NECTIN3: variants seen among roughly 807,000 people sequenced by gnomAD.
NECTIN3 encodes nectin-3.
A neutral mutation model predicts 49.4 loss-of-function variants in NECTIN3; 8 were observed. The observed-to-expected ratio is 0.16, with a 90% confidence interval of 0.10 to 0.29. The LOEUF is 0.29. Ranked by LOEUF, NECTIN3 falls within the 10% of genes least tolerant of loss-of-function variation. The pLI is 1.00. For missense variants in NECTIN3, 581 were observed against 654.6 expected (o/e 0.89, Z 1.23); for synonymous variants, 277 against 241.1 (o/e 1.15, Z -1.38).
At chr3:111,188,114 TAAAA>T (rs2035753663), upstream of NECTIN3, among the ~76,000 whole-genome samples, 1 of 152,152 alleles carries the variant, frequency 6.6e-6, no homozygotes, top group African/African-American at 2.4e-5. Context: ...ATTGATTAAA[TAAAA>T]AGAGACGCTA....
At chr3:111,098,244 G>A (rs1236492730) in intron 1 of NECTIN3, among the ~76,000 whole-genome samples, 1 of 152,130 alleles carries the variant, frequency 6.6e-6, no homozygotes. Flanking sequence ...CTGTTGTTCT[G>A]GGTATCATGC....
At chr3:111,087,953 C>T (rs2107382188) in intron 1 of NECTIN3, among the ~76,000 whole-genome samples, 1 of 152,190 alleles carries the variant, frequency 6.6e-6, no homozygotes, top group African/African-American at 2.4e-5. Context: ...CCTCCTCAGC[C>T]TCCCAAAGTG....
intron 4 of NECTIN3, 135 bp downstream of exon 4, chr3:111,122,373 C>G (rs980508328): frequency 3.2e-6 from 2 of 633,320 alleles, no homozygotes; most frequent in African/African-American, 1.9e-5. Context: ...TCTGTCTTAT[C>G]CTTCCCCACC....
chr3:111,119,655 C>T (rs2033860033), intron 3 of NECTIN3, among the ~76,000 whole-genome samples: 1 of 152,114 alleles, frequency 6.6e-6, no homozygotes, highest in Non-Finnish European at 1.5e-5. Flanking sequence ...TTCCTATATG[C>T]ATATTAATTA....
intron 7 of NECTIN3, among the ~76,000 whole-genome samples, chr3:111,185,166 G>C (rs2107534915): frequency 1.3e-5 from 2 of 152,134 alleles, no homozygotes; most frequent in Admixed American, 1.3e-4. Context: ...TCTTCTTCAG[G>C]ACCCTGTTCC....
chr3:111,107,932 A>G (rs1032830896), intron 1 of NECTIN3, among the ~76,000 whole-genome samples: 1 of 152,194 alleles, frequency 6.6e-6, no homozygotes, highest in Non-Finnish European at 1.5e-5. Context: ...AACATAAAAA[A>G]GCAGATATGT....
chr3:111,140,504 G>GT (rs1230852828), downstream of NECTIN3, among the ~76,000 whole-genome samples: 9 of 140,372 alleles, frequency 6.4e-5, no homozygotes, highest in African/African-American at 2.6e-4. Context: ...TCTTATGTGG[G>GT]GTTTTTTTGC....
intron 7 of NECTIN3, among the ~76,000 whole-genome samples, chr3:111,156,684 A>G (rs2035105031): frequency 6.6e-6 from 1 of 152,070 alleles, no homozygotes; most frequent in African/African-American, 2.4e-5. Context: ...TGCCTTGGCA[A>G]CCTGTCAGAT....
intron 1 of NECTIN3, among the ~76,000 whole-genome samples, chr3:111,094,331 A>T (rs1468540747): frequency 6.6e-6 from 1 of 152,232 alleles, no homozygotes; most frequent in South Asian, 2.1e-4. Context: ...TTGTGTGCAT[A>T]CATGAAAATG....
At chr3:111,076,934 C>G (rs960372942) in intron 1 of NECTIN3, among the ~76,000 whole-genome samples, 1 of 150,584 alleles carries the variant, frequency 6.6e-6, no homozygotes, top group Non-Finnish European at 1.5e-5. Context: ...TGTGACTGCA[C>G]CATTGTACTC....
Position 111,182,534 on chromosome 3 carries a change from A to T in NECTIN3, c.1222-9817A>T, listed in dbSNP as rs150707543. On this transcript the variant is annotated intron_variant, in intron 7 of 8. Coordinates refer to the NECTIN3 transcript ENST00000493615. ...GGATATGTACACATGTAGGATTGTT[A>T]TGTCTTCTTGATAAACTGATCCTTT... Among the ~76,000 whole-genome samples the T allele has an allele frequency of 2.2e-4, 33 of 152,132 alleles. No homozygotes were observed. In the East Asian group the frequency reaches 5.2e-3, roughly 24 times the overall value.
chr3:111,145,149 G>A (rs978159500), intron 6 of NECTIN3: 5 of 1,221,450 alleles, frequency 4.1e-6, no homozygotes, highest in East Asian at 2.6e-5. Flanking sequence ...TAAGGATAAT[G>A]TTAGGCCTTT....
chr3:111,136,859 A>T lies in NECTIN3; in HGVS notation c.*2644A>T, dbSNP rs2034594982. 8 of 962,140 alleles carry T rather than the reference A, an allele frequency of 8.3e-6. No homozygotes were observed. The highest frequency in any genetic ancestry group is 6.2e-5 in the Admixed American group (1 of 16,122). The allele number at this position is 962,140 out of a possible 1,614,324, so 59.6% of individuals were successfully genotyped here. ...TTTCTGCCATTTTTTATTAAAATAC[A>T]TTGAAACTAAAGTAGGCTCGGGGTT... On this transcript the variant is annotated 3_prime_UTR_variant, in exon 6 of 6. Transcript: ENST00000485303.
chr3:111,074,115 G>A (rs2031004174), intron 1 of NECTIN3: 1 of 433,456 alleles, frequency 2.3e-6, no homozygotes, highest in Admixed American at 2.5e-5. Context: ...GGCTTATAGT[G>A]TTATAACACC....
chr3:111,117,506 G>A (rs2033736893), intron 2 of NECTIN3, among the ~76,000 whole-genome samples: 1 of 152,036 alleles, frequency 6.6e-6, no homozygotes, highest in Admixed American at 6.6e-5. Flanking sequence ...TGCGTGTGTT[G>A]CATGTACTTT....
In NECTIN3 at chr3:111,134,073, G is replaced by C. The variant is rs2034492616; in HGVS notation, c.1508G>C (p.Arg503Thr). 6.2e-7 allele frequency: 1 copy of C among 1,613,556 alleles called. No individual in the cohort carries two copies. Among genetic ancestry groups the C allele is most frequent in the East Asian group, 2.2e-5 (1 of 44,852 alleles). The change falls in exon 6 of 6, where the codon AGG becomes ACG. Residue 503 changes from arginine (R) to threonine (T), a missense_variant. Arg to Thr is a moderately conservative substitution (Grantham distance 71). Coordinates refer to ENST00000485303, the MANE Select transcript of NECTIN3 (RefSeq NM_015480.3). ...TGGAACAATGTAGAAAATCTCAATA[G>C]GTTTGAAAGACCAATGGATTATTAT... is the stretch of plus-strand genomic sequence containing the variant. ...TQWNNVENLN[R>T]FERPMDYYED...
intron 1 of NECTIN3, among the ~76,000 whole-genome samples, chr3:111,078,408 A>G (rs886987404): frequency 6.6e-6 from 1 of 152,112 alleles, no homozygotes; most frequent in African/African-American, 2.4e-5. Context: ...TTTCTGTGAA[A>G]CACTAGTCTC....
At chr3:111,107,854 G>A (rs916321288) in intron 1 of NECTIN3, among the ~76,000 whole-genome samples, 1 of 152,042 alleles carries the variant, frequency 6.6e-6, no homozygotes, top group African/African-American at 2.4e-5. Context: ...TTTAACATTT[G>A]GATTTCGTCC....
chr3:111,152,652 A>T (rs1230638566), intron 7 of NECTIN3, among the ~76,000 whole-genome samples: 1 of 151,914 alleles, frequency 6.6e-6, no homozygotes, highest in African/African-American at 2.4e-5. Flanking sequence ...GCTCCATGGT[A>T]TCCAAATCTG....
Sources: allele counts gnomAD v4.1 joint callset (sites outside exome capture counted in the v4.1 genomes callset), GRCh38; gene constraint gnomAD v4.1.1; transcripts MANE v1.5; gene names NCBI Gene and HGNC (gene_info 2026-07-23, HGNC 2026-07-21).